The following ZMYND11 variants were observed in gnomAD, a reference collection of about 807,000 sequenced individuals.
ZMYND11 encodes the protein zinc finger MYND domain-containing protein 11.
In ZMYND11, 9 loss-of-function variants were observed where a neutral mutation model predicts 84.9. The ratio of observed to expected loss-of-function variants is 0.11; its 90% CI spans 0.06 to 0.18. ZMYND11 has a LOEUF of 0.18. ZMYND11 is among the 10% of genes least tolerant of loss of function. ZMYND11 has a pLI of 1.00. For missense variants in ZMYND11, 409 were observed against 761.0 expected (o/e 0.54, Z 5.44); for synonymous variants, 250 against 244.1 (o/e 1.02, Z -0.23).
chr10:135,847 G>A lies in ZMYND11; in HGVS notation c.-20+288G>A, dbSNP rs1425271105. Among the ~76,000 whole-genome samples, 1 of 150,674 alleles carries A rather than the reference G, an allele frequency of 6.6e-6. No homozygotes were observed. The highest frequency in any genetic ancestry group is 1.5e-5 in the Non-Finnish European group (1 of 67,512). On this transcript the variant is annotated intron_variant, in intron 1 of 14. Transcript: ENST00000381604. The surrounding 1 kb of genome is among the most constrained non-coding windows in gnomAD (Gnocchi z 5.6). The stretch of plus-strand genomic sequence containing the variant: ...GGCCGCGGAAGAGGCCCCGGGATGA[G>A]GCCCCGGAGGACCGCGCGGGGCCTG...
intron 1 of ZMYND11, among the ~76,000 whole-genome samples, chr10:175,225 G>A (rs4593933): frequency 0.93 from 141,327 of 152,212 alleles, 65,970 homozygotes; most frequent in Non-Finnish European, 0.98. Context: ...GTATGTGGGA[G>A]CTCTGTATTT....
At chr10:168,263 G>T (rs1431998096) in intron 1 of ZMYND11, among the ~76,000 whole-genome samples, 1 of 151,856 alleles carries the variant, frequency 6.6e-6, no homozygotes, top group Admixed American at 6.6e-5. Flanking sequence ...TGAAAATTGT[G>T]GGGCACCAAT....
rs1376487415 is a variant in ZMYND11 at position 248,341 on chromosome 10, A to G, written c.1233A>G (p.Pro411=). 6.2e-7 allele frequency: 1 copy of G among 1,612,952 alleles called. No homozygotes were observed. The highest frequency in any genetic ancestry group is 1.7e-5 in the Admixed American group (1 of 59,972). ...ACTCTTGTCTCACCTTTTAGGAACC[A>G]GAGCCTGAAACAGAAGCAGTAAGTT... is the stretch of plus-strand genomic sequence containing the variant. ...NQSVEPKKEE[P]EPETEAVSSS... is the part of the protein sequence containing the mutation. The change falls in exon 13 of 15, where the codon CCA becomes CCG. Residue 411 remains proline, a synonymous_variant. Transcript: ENST00000381604.
chr10:170,478 TGAA>T (rs1554765392), intron 1 of ZMYND11, among the ~76,000 whole-genome samples: 3 of 19,528 alleles, frequency 1.5e-4, no homozygotes, highest in Non-Finnish European at 2.1e-4. Context: ...GTAAGTAAAA[TGAA>T]TGACAGTTTA....
At chr10:210,193 T>C in intron 3 of ZMYND11, 145 bp downstream of exon 3, 2 of 845,074 alleles carry the variant, frequency 2.4e-6, no homozygotes, top group Non-Finnish European at 3.6e-6. Flanking sequence ...ACATTGGTAG[T>C]ATGGATACTT....
At chr10:234,216 G>A (rs1184292585) in intron 4 of ZMYND11, among the ~76,000 whole-genome samples, 3 of 152,230 alleles carry the variant, frequency 2.0e-5, no homozygotes, top group African/African-American at 7.2e-5. Context: ...AGCGCAGAAA[G>A]GAAACAACAA....
chr10:150,711 C>G (rs1304516132), intron 1 of ZMYND11, among the ~76,000 whole-genome samples: 1 of 152,168 alleles, frequency 6.6e-6, no homozygotes, highest in Non-Finnish European at 1.5e-5. Flanking sequence ...TTAAATGTCC[C>G]TGTCTGACAG....
intron 7 of ZMYND11, 73 bp from the exon 8 acceptor site, chr10:239,983 A>G: frequency 1.5e-6 from 2 of 1,342,658 alleles, no homozygotes; most frequent in Non-Finnish European, 1.0e-6. Flanking sequence ...GCAAACTGAA[A>G]GAAAAGGATA....
chr10:156,820 CAAAA>C (rs1554759299), intron 1 of ZMYND11, among the ~76,000 whole-genome samples: 1 of 151,932 alleles, frequency 6.6e-6, no homozygotes, highest in Non-Finnish European at 1.5e-5. Context: ...AATAAAAACA[CAAAA>C]AAAGAGCTAC....
intron 3 of ZMYND11, among the ~76,000 whole-genome samples, chr10:214,155 G>GC: frequency 6.6e-6 from 1 of 152,150 alleles, no homozygotes; most frequent in East Asian, 1.9e-4. Flanking sequence ...TTCATTTGGA[G>GC]AAACTGTGGT....
intron 3 of ZMYND11, 151 bp downstream of exon 3, chr10:210,199 T>TA: frequency 1.3e-6 from 1 of 781,394 alleles, no homozygotes; most frequent in Non-Finnish European, 2.0e-6. Flanking sequence ...GTAGTATGGA[T>TA]ACTTTCCTTA....
At chr10:207,839 GTCAA>G (rs1944465122) in intron 2 of ZMYND11, among the ~76,000 whole-genome samples, 1 of 152,188 alleles carries the variant, frequency 6.6e-6, no homozygotes, top group Non-Finnish European at 1.5e-5. Context: ...ACATCGCCAA[GTCAA>G]TCCTAAGCCA....
chr10:168,761 ATAGG>A (rs1324758946), intron 1 of ZMYND11, among the ~76,000 whole-genome samples: 1 of 152,174 alleles, frequency 6.6e-6, no homozygotes, highest in Non-Finnish European at 1.5e-5. Context: ...GGAGAGACAG[ATAGG>A]TAGATATAAA....
At chr10:242,851 GAAACCTATA>G (rs1466220913) in intron 10 of ZMYND11, among the ~76,000 whole-genome samples, 1 of 152,054 alleles carries the variant, frequency 6.6e-6, no homozygotes, top group East Asian at 1.9e-4. Context: ...GTAGTTATAA[GAAACCTATA>G]AATACTGTAA....
intron 1 of ZMYND11, among the ~76,000 whole-genome samples, chr10:156,539 A>G (rs578185769): frequency 6.6e-6 from 1 of 152,338 alleles, no homozygotes; most frequent in African/African-American, 2.4e-5. Context: ...TCTTCTGTTC[A>G]TGTGATTAAT....
chr10:197,991 C>A, intron 2 of ZMYND11: 1 of 643,034 alleles, frequency 1.6e-6, no homozygotes, highest in South Asian at 1.8e-5. Flanking sequence ...TTAGTTGTAT[C>A]ATTGTTATAA....
rs779701344 is a variant in ZMYND11 at position 198,615 on chromosome 10, G to A, written c.117-11274G>A. ...TGAAAACTAAAATATTTCACCTCTC[G>A]TTGGCATTTTTCCTAGAGTCACTGG... On this transcript the variant is annotated intron_variant, in intron 2 of 14. Coordinates refer to ENST00000381604, the MANE Select transcript of ZMYND11 (RefSeq NM_001370100.5). Among the ~76,000 whole-genome samples the A allele has an allele frequency of 1.3e-4, 20 of 152,040 alleles. 1 individual carries two copies. Among genetic ancestry groups the A allele is most frequent in the Non-Finnish European group, 2.5e-4 (17 of 68,012 alleles).
upstream of ZMYND11, chr10:134,919 C>G (rs1835523065): frequency 6.6e-6 from 1 of 150,730 alleles, no homozygotes; most frequent in Non-Finnish European, 1.5e-5. Context: ...CGGCTCCGGC[C>G]CCGGGCGGGA....
chr10:144,968 G>T (rs2131209344), intron 1 of ZMYND11, among the ~76,000 whole-genome samples: 1 of 150,940 alleles, frequency 6.6e-6, no homozygotes, highest in Non-Finnish European at 1.5e-5. Flanking sequence ...TGATACTACT[G>T]TGTATGCCTT....
Sources: allele counts gnomAD v4.1 joint callset (sites outside exome capture counted in the v4.1 genomes callset), GRCh38; gene constraint gnomAD v4.1.1; non-coding constraint Gnocchi (gnomAD v3.1); transcripts MANE v1.5; gene names NCBI Gene and HGNC (gene_info 2026-07-23, HGNC 2026-07-21).